The following FBXO36 variants were observed in gnomAD, a reference collection of about 807,000 sequenced individuals.
FBXO36 encodes the protein F-box only protein 36.
Under a neutral mutation model 17.0 loss-of-function variants are expected in FBXO36, and 18 were observed. The ratio of observed to expected loss-of-function variants is 1.06; its 90% CI spans 0.73 to 1.57. The LOEUF (loss-of-function observed/expected upper bound fraction) is 1.57, where lower values mean the gene tolerates loss of function less well. FBXO36 is among the 40% of genes most tolerant of loss of function. The probability of loss-of-function intolerance (pLI) is 0.00; values close to 1 mark genes in which losing one functional copy is unlikely to be tolerated. For synonymous variants in FBXO36, 83 were observed against 85.3 expected (o/e 0.97, Z 0.15); for missense variants, 229 against 221.9 (o/e 1.03, Z -0.20).
intron 1 of FBXO36, among the ~76,000 whole-genome samples, chr2:229,952,753 A>G (rs1250230669): frequency 6.6e-6 from 1 of 152,174 alleles, no homozygotes; most frequent in Non-Finnish European, 1.5e-5. Context: ...CCAGTGGGGC[A>G]GTGTTGCCAA....
At chr2:229,932,834 C>T in intron 1 of FBXO36, 2 of 266,758 alleles carry the variant, frequency 7.5e-6, no homozygotes, top group South Asian at 3.2e-5. Flanking sequence ...CTTTGGGAGG[C>T]CGAGCCAGGT....
intron 1 of FBXO36, among the ~76,000 whole-genome samples, chr2:229,927,779 C>A (rs1031075144): frequency 6.6e-6 from 1 of 150,992 alleles, no homozygotes; most frequent in African/African-American, 2.4e-5. Flanking sequence ...AAAAAGCTCA[C>A]CCCTCTAAAA....
chr2:229,999,267 C>T (rs1176314771), intron 3 of FBXO36, among the ~76,000 whole-genome samples: 2 of 150,948 alleles, frequency 1.3e-5, no homozygotes, highest in South Asian at 2.1e-4. Flanking sequence ...ACTGGGATTA[C>T]AGGCACCCAC....
intron 1 of FBXO36, among the ~76,000 whole-genome samples, chr2:229,971,720 A>AT (rs983165556): frequency 1.3e-5 from 2 of 151,660 alleles, no homozygotes; most frequent in African/African-American, 2.4e-5. Context: ...ATAAGGTCTC[A>AT]TTTTTTCACC....
chr2:229,928,971 T>C (rs1427242121), intron 1 of FBXO36, among the ~76,000 whole-genome samples: 3 of 33,830 alleles, frequency 8.9e-5, no homozygotes, highest in African/African-American at 2.6e-4. Flanking sequence ...TTTTTTCTTT[T>C]CATTTTTTTT....
intron 1 of FBXO36, among the ~76,000 whole-genome samples, chr2:229,968,468 T>C (rs2077164816): frequency 6.6e-6 from 1 of 151,980 alleles, no homozygotes; most frequent in Non-Finnish European, 1.5e-5. Flanking sequence ...TTCTCTGAAA[T>C]TTTTGTTTTG....
At chr2:229,973,195 C>G (rs1248876195) in intron 1 of FBXO36, 1 of 148,652 alleles carries the variant, frequency 6.7e-6, no homozygotes, top group East Asian at 2.0e-4. Flanking sequence ...AGTTGACACT[C>G]CTCTCAACGA....
intron 2 of FBXO36, among the ~76,000 whole-genome samples, chr2:229,979,786 C>T (rs935867297): frequency 1.3e-5 from 2 of 151,766 alleles, no homozygotes; most frequent in African/African-American, 4.8e-5. Context: ...ATCATTAACT[C>T]CTTTATGGCA....
chr2:229,975,818 C>T (rs1431276962), intron 1 of FBXO36, among the ~76,000 whole-genome samples: 10 of 19,736 alleles, frequency 5.1e-4, no homozygotes, highest in African/African-American at 1.6e-3. Context: ...GGTGGGGGGG[C>T]GGGCGGGGGA....
At chr2:229,935,646 C>T (rs370153000) in intron 1 of FBXO36, among the ~76,000 whole-genome samples, 13 of 152,184 alleles carry the variant, frequency 8.5e-5, no homozygotes, top group South Asian at 8.3e-4. Context: ...ATATTGTTAA[C>T]GATTCAACTC....
chr2:229,989,871 C>T (rs1476819918), intron 2 of FBXO36, among the ~76,000 whole-genome samples: 3 of 152,096 alleles, frequency 2.0e-5, no homozygotes, highest in Non-Finnish European at 4.4e-5. Context: ...CCGCACCCGG[C>T]TCATGATGTA....
chr2:229,937,570 T>C (rs2076970759), intron 1 of FBXO36, among the ~76,000 whole-genome samples: 1 of 152,208 alleles, frequency 6.6e-6, no homozygotes. Context: ...ACAAAGCTCC[T>C]ACCGTATTCT....
At chr2:229,962,055 C>T (rs943870776) in intron 1 of FBXO36, among the ~76,000 whole-genome samples, 7 of 151,900 alleles carry the variant, frequency 4.6e-5, no homozygotes, top group African/African-American at 7.3e-5. Flanking sequence ...CAGTGGCATG[C>T]GCCTGTAATC....
chr2:229,975,822 C>T (rs909958267), intron 1 of FBXO36, among the ~76,000 whole-genome samples: 1 of 31,784 alleles, frequency 3.1e-5, no homozygotes, highest in Non-Finnish European at 6.7e-5. Flanking sequence ...GGGGGGCGGG[C>T]GGGGGATGGA....
intron 1 of FBXO36, among the ~76,000 whole-genome samples, chr2:229,924,482 T>C (rs1163486859): frequency 6.6e-6 from 1 of 152,210 alleles, no homozygotes; most frequent in Non-Finnish European, 1.5e-5. Context: ...TGATTTTCTA[T>C]TTTTATCTAC....
chr2:229,972,825 A>G (rs2077187580), intron 1 of FBXO36, among the ~76,000 whole-genome samples: 1 of 151,986 alleles, frequency 6.6e-6, no homozygotes, highest in Non-Finnish European at 1.5e-5. Flanking sequence ...GCACTTTGGG[A>G]GGCTGAGGCG....
chr2:229,960,060 T>A (rs1420030607), intron 1 of FBXO36, among the ~76,000 whole-genome samples: 1 of 152,166 alleles, frequency 6.6e-6, no homozygotes. Context: ...GTGCTATCCC[T>A]GTTTCCTGTA....
chr2:229,922,854 C>T (rs188152765), intron 1 of FBXO36, among the ~76,000 whole-genome samples: 143 of 152,314 alleles, frequency 9.4e-4, no homozygotes, highest in African/African-American at 3.4e-3. Flanking sequence ...GTGCCGCGTG[C>T]TCCTTTCCCG....
rs748422157 is a variant in FBXO36 at position 229,995,592 on chromosome 2, C to CTTTTTTTTTTTTTTTTTTTTT, written c.206-1156_206-1155insTTTTTTTTTTTTTTTTTTTTT. On this transcript the variant is annotated intron_variant, in intron 2 of 3. Transcript: ENST00000283946. ...TTTCTTTCTTTCTTTCTCTTTCTTT[C>CTTTTTTTTTTTTTTTTTTTTT]TTTCTTTTTTTTTTTTTTGGACAGA... 5.2e-5 allele frequency among the ~76,000 whole-genome samples: 6 copies of CTTTTTTTTTTTTTTTTTTTTT among 114,552 alleles called. 1 individual carries two copies. The highest frequency in any genetic ancestry group is 9.5e-5 in the African/African-American group (3 of 31,422). The allele number at this position is 114,552 out of a possible 152,430, so 75.2% of individuals were successfully genotyped here.
Sources: gnomAD v4.1 joint callset for allele counts (sites outside exome capture counted in the v4.1 genomes callset) on GRCh38, gnomAD v4.1.1 for gene constraint, MANE v1.5 for transcripts, NCBI Gene and HGNC (gene_info 2026-07-23, HGNC 2026-07-21) for gene names.